ZNF596: variants seen among roughly 807,000 people sequenced by gnomAD.
ZNF596 encodes the protein zinc finger protein 596.
In ZNF596, 45 loss-of-function variants were observed where a neutral mutation model predicts 48.3. That is an observed-to-expected ratio of 0.93 (90% CI 0.73 to 1.19). The LOEUF (loss-of-function observed/expected upper bound fraction) is 1.19, where lower values mean the gene tolerates loss of function less well. Ranked by LOEUF, ZNF596 falls within the 50% of genes most tolerant of loss-of-function variation. The pLI is 0.00. For synonymous variants in ZNF596, 270 were observed against 202.0 expected, an observed-to-expected ratio of 1.34 and a Z score of -2.85; for missense variants, 848 against 599.7, an observed-to-expected ratio of 1.41 and a Z score of -4.32.
chr8:238,739 G>A (rs1264405710), intron 1 of ZNF596, among the ~76,000 whole-genome samples: 2 of 151,848 alleles, frequency 1.3e-5, no homozygotes, highest in Non-Finnish European at 2.9e-5. Flanking sequence ...TCCAGGAGGT[G>A]GAGGTTGCAG....
chr8:245,368 A>T lies in ZNF596; in HGVS notation c.521A>T (p.Tyr174Phe), dbSNP rs545629148. The T allele has an allele frequency of 1.9e-6, 3 of 1,614,186 alleles. No individual in the cohort carries two copies. The Admixed American group carries it at 5.0e-5, about 27-fold the overall frequency. Residue 174 changes from tyrosine (Y) to phenylalanine (F), a missense_variant, in exon 6 of 6, where the codon TAT (tyrosine) becomes TTT (phenylalanine). Coordinates refer to ENST00000398612, the MANE Select transcript of ZNF596 (RefSeq NM_001042416.3). The part of the protein sequence containing the change: ...CKSYGSHLFD[Y>F]AFIQNSALRP... ...TCATATGGAAGTCATCTATTTGATTATGCCTTTATCCAAAACTCTGCCCTT... is the reference window on the plus strand; with the variant it reads ...TCATATGGAAGTCATCTATTTGATTTTGCCTTTATCCAAAACTCTGCCCTT...
rs1026060977 is a variant in ZNF596, at chr8:235,572, G to C, written c.-73+2878G>C. The stretch of plus-strand genomic sequence containing the variant: ...GCTGAATAAATTTTATTATTTTATA[G>C]ACATATGTGTAAAATGAATTTTTCT... On this transcript the variant is annotated intron_variant, in intron 1 of 5. Coordinates refer to ENST00000398612, the MANE Select transcript of ZNF596 (RefSeq NM_001042416.3). Among the ~76,000 whole-genome samples, 11 of 151,950 alleles carry C rather than the reference G, an allele frequency of 7.2e-5. No individual in the cohort carries two copies. In the East Asian group the frequency reaches 1.9e-3, roughly 27 times the overall value.
chr8:241,916 C>A (rs1326516409), intron 2 of ZNF596, among the ~76,000 whole-genome samples: 1 of 152,074 alleles, frequency 6.6e-6, no homozygotes, highest in Non-Finnish European at 1.5e-5. Context: ...AGGAGAGAGA[C>A]CAAATCAGGA....
rs749419556 is a variant in ZNF596, at chr8:246,304, A to C, written c.1457A>C (p.Lys486Thr). 2 of 1,606,140 alleles carry C rather than the reference A, an allele frequency of 1.2e-6. No individual in the cohort carries two copies. Among genetic ancestry groups the C allele is most frequent in the Non-Finnish European group, 1.7e-6 (2 of 1,177,864 alleles). Residue 486 changes from lysine to threonine, a missense_variant, in exon 6 of 6, where the codon AAA becomes ACA. Coordinates refer to ENST00000398612, the MANE Select transcript of ZNF596 (RefSeq NM_001042416.3). ...VCPLCGKAFS[K>T]FFNLRQHERT... is the part of the protein sequence containing the mutation. Reference sequence around the variant, plus strand: ...CCTCTATGTGGGAAAGCCTTTAGTAAATTTTTTAACCTTAGACAACATGAG... The same window carrying C: ...CCTCTATGTGGGAAAGCCTTTAGTACATTTTTTAACCTTAGACAACATGAG...
chr8:244,645 G>A lies in ZNF596; in HGVS notation c.250G>A (p.Glu84Lys), dbSNP rs552316216. ...QGREVGIKHQ[E>K]IPFIQHIYQK... ...TAGAGAAGTTGGCATTAAACATCAA[G>A]AGATACCATTCATTCAACATATCTA... Residue 84 changes from glutamate (E) to lysine (K), a missense_variant, in exon 5 of 6, where the codon GAG becomes AAG. Transcript: ENST00000398612. The A allele has an allele frequency of 2.3e-4, 365 of 1,612,492 alleles. 1 individual carries two copies. The highest frequency in any genetic ancestry group is 9.4e-4 in the South Asian group (85 of 90,896).
intron 1 of ZNF596, among the ~76,000 whole-genome samples, chr8:238,357 A>G (rs1247889341): frequency 6.6e-6 from 1 of 152,114 alleles, no homozygotes; most frequent in African/African-American, 2.4e-5. Flanking sequence ...GTCCCAGGCT[A>G]TCAGAGCACA....
chr8:246,496 G>C lies in ZNF596; in HGVS notation c.*134G>C. ...GCTCAACCTAAATGAATTCAAGGTAGAGAGAATCCAGATGTATTTAATGTT... is the reference window on the plus strand; with the variant it reads ...GCTCAACCTAAATGAATTCAAGGTACAGAGAATCCAGATGTATTTAATGTT... On this transcript the variant is annotated 3_prime_UTR_variant, in exon 6 of 6. Transcript: ENST00000398612. 8.6e-7 allele frequency: 1 copy of C among 1,163,034 alleles called. No individual in the cohort carries two copies. Among genetic ancestry groups the C allele is most frequent in the Non-Finnish European group, 1.2e-6 (1 of 842,920 alleles). The allele number at this position is 1,163,034 out of a possible 1,614,324, so 72.0% of individuals were successfully genotyped here. A position where few individuals can be genotyped will look rare whatever the true frequency, so the allele number is the denominator to read the frequency against.
In ZNF596 at chr8:247,058, A is replaced by T. The variant is rs1797119828; in HGVS notation, c.*696A>T. The T allele has an allele frequency of 6.6e-6, 1 of 152,234 alleles. No homozygotes were observed. Among genetic ancestry groups the T allele is most frequent in the Non-Finnish European group, 1.5e-5 (1 of 68,044 alleles). The allele number at this position is 152,234 out of a possible 1,614,324, so 9.4% of individuals were successfully genotyped here. A position where few individuals can be genotyped will look rare whatever the true frequency, so the allele number is the denominator to read the frequency against. ...AGTCAATACCAGCATTTTTCCAGTG[A>T]GAAAACTATCTTGACAGGATAGTGG... On this transcript the variant is annotated 3_prime_UTR_variant, in exon 6 of 6. Coordinates refer to ENST00000398612, the MANE Select transcript of ZNF596 (RefSeq NM_001042416.3).
At chr8:242,794 C>G (rs1796907238) in intron 2 of ZNF596, 93 bp from the exon 3 acceptor site, 1 of 1,241,010 alleles carries the variant, frequency 8.1e-7, no homozygotes, top group East Asian at 2.7e-5. Flanking sequence ...GTTCATACCA[C>G]CCACACTTCC....
intron 2 of ZNF596, among the ~76,000 whole-genome samples, chr8:241,354 G>C (rs766618090): frequency 6.6e-6 from 1 of 152,248 alleles, no homozygotes; most frequent in Admixed American, 6.5e-5. Flanking sequence ...GTTAGGGGAG[G>C]GCTGTTTAAC....
At position 245,549 on chromosome 8, in the gene ZNF596, T is replaced by C. The variant is rs746286163; in HGVS notation, c.702T>C (p.His234=). The C allele has an allele frequency of 6.2e-7, 1 of 1,612,496 alleles. No homozygotes were observed. The highest frequency in any genetic ancestry group is 8.5e-7 in the Non-Finnish European group (1 of 1,179,506). The change falls in exon 6 of 6, where the codon CAT becomes CAC. Residue 234 remains histidine (H), a synonymous_variant. Coordinates refer to ENST00000398612, the MANE Select transcript of ZNF596 (RefSeq NM_001042416.3). ...ATCTATGTGGGAAAGCCTTTACTCA[T>C]TGCTCTGATCTTCGAAAACATGAGA... The part of the protein sequence containing the change: ...GCHLCGKAFT[H]CSDLRKHERT...
chr8:235,480 T>TG (rs1197429859), intron 1 of ZNF596, among the ~76,000 whole-genome samples: 2 of 149,856 alleles, frequency 1.3e-5, no homozygotes, highest in Non-Finnish European at 3.0e-5. Flanking sequence ...GTATGTATGT[T>TG]TTTTTTTTTT....
chr8:239,909 G>C (rs1350155240), intron 1 of ZNF596, among the ~76,000 whole-genome samples: 1 of 152,084 alleles, frequency 6.6e-6, no homozygotes, highest in Non-Finnish European at 1.5e-5. Context: ...CTAGAGCCTA[G>C]TAATAATTGT....
In ZNF596 at chr8:246,355, A is replaced by G. The variant is rs866527560; in HGVS notation, c.1508A>G (p.Asn503Ser). The change falls in exon 6 of 6, where the codon AAT (asparagine) becomes AGT (serine). Residue 503 changes from asparagine (N) to serine (S), a missense_variant. Coordinates refer to ENST00000398612, the MANE Select transcript of ZNF596 (RefSeq NM_001042416.3). ...HERTHTKKAM[N>S]M ...AGAACTCACACTAAAAAAGCAATGA[A>G]TATGTAAGAATCATCAGCTGTAGCG... 5 of 1,579,884 alleles carry G rather than the reference A, an allele frequency of 3.2e-6. No homozygotes were observed. The Admixed American group carries it at 5.7e-5, about 18-fold the overall frequency.
At chr8:243,192 C>T (rs1051158341) in intron 3 of ZNF596, 179 bp downstream of exon 3, 7 of 474,728 alleles carry the variant, frequency 1.5e-5, no homozygotes, top group Non-Finnish European at 2.5e-5. Flanking sequence ...CTTTCCTTTT[C>T]ACTTATATTG....
chr8:240,975 C>T lies in ZNF596; in HGVS notation c.12+68C>T, dbSNP rs1049167281. ...TTACCAGCCTAAGGGCAGATTCATC[C>T]TATTAACATGGATGTTCTAAGTGCA... On this transcript the variant is annotated intron_variant, in intron 2 of 5. Coordinates refer to ENST00000398612, the MANE Select transcript of ZNF596 (RefSeq NM_001042416.3). 9 of 1,577,098 alleles carry T rather than the reference C, an allele frequency of 5.7e-6. No individual in the cohort carries two copies. In the Admixed American group the frequency reaches 8.3e-5, roughly 15 times the overall value.
intron 5 of ZNF596, 78 bp downstream of exon 5, chr8:244,779 A>G: frequency 8.6e-7 from 1 of 1,163,882 alleles, no homozygotes; most frequent in South Asian, 1.3e-5. Flanking sequence ...TGGTACAGGT[A>G]CCTGACTGTA....
intron 4 of ZNF596, 69 bp downstream of exon 4, chr8:243,874 C>G: frequency 7.5e-7 from 1 of 1,327,742 alleles, no homozygotes; most frequent in Non-Finnish European, 1.1e-6. Context: ...TAGGACCCAA[C>G]AGTTGCCAAA....
chr8:235,099 A>G (rs976204210), intron 1 of ZNF596, among the ~76,000 whole-genome samples: 2 of 152,206 alleles, frequency 1.3e-5, no homozygotes, highest in African/African-American at 4.8e-5. Context: ...TTAGAAAATG[A>G]TAGCTTTGAC....
Sources: gnomAD v4.1 joint callset for allele counts (sites outside exome capture counted in the v4.1 genomes callset) on GRCh38, gnomAD v4.1.1 for gene constraint, MANE v1.5 for transcripts, NCBI Gene and HGNC (gene_info 2026-07-23, HGNC 2026-07-21) for gene names.